TM2D1: variants seen among roughly 807,000 people sequenced by gnomAD.
TM2D1 encodes TM2 domain containing 1.
In TM2D1, 15 loss-of-function variants were observed where a neutral mutation model predicts 28.4. The observed-to-expected ratio is 0.53, with a 90% CI of 0.35 to 0.81. TM2D1 has a LOEUF of 0.81. TM2D1 is among the 40% of genes least tolerant of loss of function. TM2D1 has a pLI of 0.01. For missense variants in TM2D1, 236 were observed against 254.9 expected, an observed-to-expected ratio of 0.93 and a Z score of 0.50; for synonymous variants, 93 against 96.2, an observed-to-expected ratio of 0.97 and a Z score of 0.20.
intron 5 of TM2D1, among the ~76,000 whole-genome samples, chr1:61,688,149 A>G (rs1224692237): frequency 2.6e-5 from 4 of 152,242 alleles, no homozygotes; most frequent in Non-Finnish European, 4.4e-5. Context: ...TAAGGAATGA[A>G]TAAGAGTCAC....
chr1:61,713,467 A>AG (rs1200299939), intron 2 of TM2D1, among the ~76,000 whole-genome samples: 1 of 145,348 alleles, frequency 6.9e-6, no homozygotes, highest in Non-Finnish European at 1.5e-5. Flanking sequence ...TAAGAGGACA[A>AG]GACCCCCCGC....
chr1:61,704,807 G>C (rs1644429366), intron 3 of TM2D1, among the ~76,000 whole-genome samples: 1 of 152,066 alleles, frequency 6.6e-6, no homozygotes, highest in African/African-American at 2.4e-5. Flanking sequence ...GCTCTCACCT[G>C]TAATCCCAGC....
At chr1:61,695,342 G>A (rs1400716536) in intron 4 of TM2D1, among the ~76,000 whole-genome samples, 1 of 152,036 alleles carries the variant, frequency 6.6e-6, no homozygotes, top group African/African-American at 2.4e-5. Context: ...ACAATTCTGT[G>A]CTGAGCACTA....
chr1:61,701,085 T>A (rs1353309542), intron 3 of TM2D1, 60 bp from the exon 4 acceptor site: 6 of 1,274,936 alleles, frequency 4.7e-6, no homozygotes, highest in Non-Finnish European at 6.7e-6. Context: ...GAAAAAAAAA[T>A]TATTAACTAC....
intron 5 of TM2D1, among the ~76,000 whole-genome samples, chr1:61,693,576 A>G (rs1347645534): frequency 6.6e-6 from 1 of 152,220 alleles, no homozygotes; most frequent in Non-Finnish European, 1.5e-5. Flanking sequence ...GGTTAGGCAT[A>G]TGTTTACGAG....
intron 5 of TM2D1, among the ~76,000 whole-genome samples, chr1:61,691,932 A>AAATATATATATATATATAGATATATAT: frequency 1.3e-5 from 1 of 76,414 alleles, no homozygotes; most frequent in Non-Finnish European, 2.6e-5. Flanking sequence ...AAAAAAAAAA[A>AAATATATATATATATATAGATATATAT]ATATATATAT....
At chr1:61,706,016 C>A (rs1016084216) in intron 3 of TM2D1, among the ~76,000 whole-genome samples, 4 of 152,144 alleles carry the variant, frequency 2.6e-5, no homozygotes, top group South Asian at 2.1e-4. Flanking sequence ...AAAGGGACAC[C>A]TAATGAGTAA....
chr1:61,714,184 C>T (rs1570123757), intron 2 of TM2D1, among the ~76,000 whole-genome samples: 2 of 149,422 alleles, frequency 1.3e-5, no homozygotes, highest in Admixed American at 6.7e-5. Context: ...CCTGAGCCAC[C>T]GCGCCCGGCC....
intron 2 of TM2D1, among the ~76,000 whole-genome samples, chr1:61,719,455 T>G (rs12144281): frequency 0.35 from 52,448 of 151,866 alleles, 10,764 homozygotes; most frequent in East Asian, 0.48. Context: ...TTGGTCAATC[T>G]GGGTAAAGGG....
chr1:61,709,300 G>T, intron 3 of TM2D1, 29 bp downstream of exon 3: 1 of 1,389,110 alleles, frequency 7.2e-7, no homozygotes, highest in Non-Finnish European at 1.0e-6. Context: ...CAAGTAATCT[G>T]AAAATTTAAG....
intron 2 of TM2D1, among the ~76,000 whole-genome samples, chr1:61,718,086 G>A (rs888575249): frequency 5.3e-5 from 8 of 152,122 alleles, no homozygotes; most frequent in South Asian, 2.1e-4. Flanking sequence ...CGGAGGCCGA[G>A]GCAAGTGGAT....
chr1:61,712,298 T>G (rs759800812), intron 2 of TM2D1, among the ~76,000 whole-genome samples: 1 of 152,318 alleles, frequency 6.6e-6, no homozygotes, highest in Admixed American at 6.5e-5. Context: ...ATTCTGCACA[T>G]ATACCTGCTA....
intron 2 of TM2D1, among the ~76,000 whole-genome samples, chr1:61,713,029 G>A (rs903390715): frequency 1.7e-4 from 26 of 151,990 alleles, no homozygotes; most frequent in African/African-American, 6.3e-4. Context: ...AATCAGTGGG[G>A]TGTGGTGGCA....
rs571245311 is a variant in TM2D1, at chr1:61,717,284, C to T, written c.238+6429G>A. Among the ~76,000 whole-genome samples, 4 of 151,464 alleles carry T rather than the reference C, an allele frequency of 2.6e-5. No homozygotes were observed. In the East Asian group the frequency reaches 7.8e-4, roughly 29 times the overall value. ...TTGGGAGGCTGAGGCTGGATAATGG[C>T]GTGAACCTGGGAGGCAGAGCTTGCA... is the stretch of plus-strand genomic sequence containing the variant. On this transcript the variant is annotated intron_variant, in intron 2 of 6. Coordinates refer to ENST00000606498, the MANE Select transcript of TM2D1 (RefSeq NM_032027.3).
In TM2D1 at chr1:61,711,479, C is replaced by T. The variant is rs1644478795; in HGVS notation, c.239-2042G>A. 3.9e-5 allele frequency among the ~76,000 whole-genome samples: 6 copies of T among 151,966 alleles called. No homozygotes were observed. In the South Asian group the frequency reaches 1.2e-3, roughly 32 times the overall value. On this transcript the variant is annotated intron_variant, in intron 2 of 6. Transcript: ENST00000606498. ...AGCCTGGGCAACATGGAGAGATCCC[C>T]ATCTCTACAAAAAATAAAATAATTG...
chr1:61,702,873 A>C (rs1214671497), intron 3 of TM2D1, among the ~76,000 whole-genome samples: 1 of 151,674 alleles, frequency 6.6e-6, no homozygotes, highest in East Asian at 2.0e-4. Flanking sequence ...TGGGAGGCTG[A>C]GGCGGTTGGA....
chr1:61,690,942 C>A (rs1644319290), intron 5 of TM2D1, among the ~76,000 whole-genome samples: 1 of 151,998 alleles, frequency 6.6e-6, no homozygotes, highest in African/African-American at 2.4e-5. Flanking sequence ...GTTATTAGTT[C>A]TTTAAGGAAA....
At chr1:61,713,521 C>T (rs1214535737) in intron 2 of TM2D1, among the ~76,000 whole-genome samples, 2 of 148,088 alleles carry the variant, frequency 1.4e-5, no homozygotes, top group African/African-American at 2.5e-5. Flanking sequence ...GAGGGGTCTG[C>T]AAAAGTATCT....
chr1:61,700,734 CAT>C (rs1196629235), intron 4 of TM2D1, among the ~76,000 whole-genome samples, 198 bp downstream of exon 4: 1 of 152,026 alleles, frequency 6.6e-6, no homozygotes, highest in East Asian at 1.9e-4. Context: ...AAGGTGAAAA[CAT>C]AGGAAAAGTC....
Sources: allele counts gnomAD v4.1 joint callset (sites outside exome capture counted in the v4.1 genomes callset), GRCh38; gene constraint gnomAD v4.1.1; transcripts MANE v1.5; gene names NCBI Gene and HGNC (gene_info 2026-07-23, HGNC 2026-07-21).